Variants in MED27 observed in about 807,000 individuals in gnomAD.
MED27 encodes mediator of RNA polymerase II transcription subunit 27.
In MED27, 30 loss-of-function variants were observed where a neutral mutation model predicts 38.2. That is an observed-to-expected ratio of 0.79 (90% CI 0.59 to 1.07). The LOEUF is 1.07. Ranked by LOEUF, MED27 falls within the 50% of genes least tolerant of loss-of-function variation. MED27 has a pLI of 0.00. For synonymous variants in MED27, 122 were observed against 153.5 expected, an observed-to-expected ratio of 0.79 and a Z score of 1.52; for missense variants, 289 against 397.5, an observed-to-expected ratio of 0.73 and a Z score of 2.32.
chr9:132,050,324 C>A (rs978061913), intron 2 of MED27, among the ~76,000 whole-genome samples: 5 of 152,222 alleles, frequency 3.3e-5, no homozygotes, highest in African/African-American at 9.7e-5. Context: ...CTACAGAAGG[C>A]AACGTGCAGG....
chr9:132,042,094 C>A (rs1280757123), intron 2 of MED27, among the ~76,000 whole-genome samples: 1 of 152,146 alleles, frequency 6.6e-6, no homozygotes, highest in African/African-American at 2.4e-5. Flanking sequence ...GGAAAGAGCA[C>A]GGCACGGGAA....
intron 3 of MED27, among the ~76,000 whole-genome samples, chr9:132,000,755 T>G (rs997551204): frequency 6.6e-6 from 1 of 151,540 alleles, no homozygotes; most frequent in African/African-American, 2.4e-5. Flanking sequence ...AAAAAAAATT[T>G]TTTTTTTTTT....
intron 3 of MED27, 137 bp from the exon 4 acceptor site, chr9:131,939,611 G>C: frequency 2.0e-6 from 1 of 492,110 alleles, no homozygotes; most frequent in Non-Finnish European, 3.5e-6. Flanking sequence ...AATAGAATTA[G>C]AAACCTTTTA....
intron 6 of MED27, among the ~76,000 whole-genome samples, chr9:131,873,377 G>A (rs58639890): frequency 0.019 from 2,961 of 152,332 alleles, 101 homozygotes; most frequent in African/African-American, 0.067. Flanking sequence ...AGCCCTGACA[G>A]TGATGTTAGG....
chr9:131,951,112 C>T (rs1435509974), intron 3 of MED27, among the ~76,000 whole-genome samples: 3 of 152,160 alleles, frequency 2.0e-5, no homozygotes, highest in East Asian at 1.9e-4. Flanking sequence ...CGAGGTGCCT[C>T]GGCTGGAGCT....
In MED27 at chr9:131,862,564, A is replaced by G. The variant is rs1188216065; in HGVS notation, c.801+499T>C. ...CCACCAAGTTTGATTTCAAACTAGT[A>G]GTGGTTGAAGAACCAGCTCGCAAGA... On this transcript the variant is annotated intron_variant, in intron 7 of 7. Transcript: ENST00000292035. This position sits in a 1 kb window ranked among gnomAD's most constrained non-coding sequence, Gnocchi z 4.6. 3.3e-5 allele frequency among the ~76,000 whole-genome samples: 5 copies of G among 152,210 alleles called. No homozygotes were observed. The South Asian group carries it at 6.2e-4, about 19-fold the overall frequency.
At chr9:131,944,006 C>T (rs762309850) in intron 3 of MED27, among the ~76,000 whole-genome samples, 5 of 152,188 alleles carry the variant, frequency 3.3e-5, no homozygotes, top group Non-Finnish European at 5.9e-5. Context: ...GTAAGACTCT[C>T]AACGGTTTCC....
intron 3 of MED27, among the ~76,000 whole-genome samples, chr9:131,993,190 G>A (rs1056272524): frequency 6.6e-6 from 1 of 151,426 alleles, no homozygotes; most frequent in East Asian, 1.9e-4. Context: ...TAAATCTGCT[G>A]GATAAATAAC....
chr9:132,014,363 C>G lies in MED27; in HGVS notation c.453G>C (p.Gln151His). ...GAGGTGGTAGGACAAGAGTTGTGGG[C>G]TGAGCCTTTGGTCTACGTTTGGCAG... ...GVSAKRRPKA[Q>H]PTTLVLPPQY... The change falls in exon 3 of 8, where the codon CAG (glutamine) becomes CAC (histidine). Residue 151 changes from glutamine to histidine, a missense_variant. Gln to His is a conservative substitution (Grantham distance 24). Transcript: ENST00000292035. 1 of 1,612,840 alleles carries G rather than the reference C, an allele frequency of 6.2e-7. No homozygotes were observed. The highest frequency in any genetic ancestry group is 8.5e-7 in the Non-Finnish European group (1 of 1,179,966).
chr9:131,884,221 T>C lies in MED27; in HGVS notation c.682-122A>G, dbSNP rs1839099063. ...AAAAAAAAATCTGATTATAGAATAA[T>C]AGGATCTCAGGGTTGAAAAGGATCT... is the stretch of plus-strand genomic sequence containing the variant. On this transcript the variant is annotated intron_variant, in intron 5 of 7. Coordinates refer to ENST00000292035, the MANE Select transcript of MED27 (RefSeq NM_004269.4). 5 of 660,340 alleles carry C rather than the reference T, an allele frequency of 7.6e-6. 1 individual carries two copies. Among genetic ancestry groups the C allele is most frequent in the Non-Finnish European group, 1.2e-5 (5 of 414,478 alleles). 40.9% of individuals were successfully genotyped at this position (660,340 alleles called of 1,614,324 possible).
At chr9:131,980,900 T>C (rs1290633359) in intron 3 of MED27, among the ~76,000 whole-genome samples, 2 of 152,244 alleles carry the variant, frequency 1.3e-5, no homozygotes, top group Non-Finnish European at 2.9e-5. Context: ...AACAGTTCAA[T>C]GGAGCAGTTT....
At chr9:132,030,552 C>G (rs572434232) in intron 2 of MED27, among the ~76,000 whole-genome samples, 2 of 152,306 alleles carry the variant, frequency 1.3e-5, no homozygotes, top group Non-Finnish European at 2.9e-5. Flanking sequence ...TCTTAGAAAG[C>G]ATACTAGAGA....
chr9:132,077,716 A>G (rs773499176), intron 1 of MED27, 130 bp from the exon 2 acceptor site: 48 of 917,086 alleles, frequency 5.2e-5, no homozygotes, highest in Non-Finnish European at 7.1e-5. Context: ...TACTTTTTGA[A>G]AGGTTAAAAA....
chr9:131,886,119 C>T (rs1449910796), intron 5 of MED27, among the ~76,000 whole-genome samples: 2 of 152,192 alleles, frequency 1.3e-5, no homozygotes, highest in Admixed American at 6.5e-5. Context: ...GTCTATTCTG[C>T]GGAATACACT....
At chr9:131,984,370 T>G (rs1447470648) in intron 3 of MED27, among the ~76,000 whole-genome samples, 1 of 152,164 alleles carries the variant, frequency 6.6e-6, no homozygotes, top group African/African-American at 2.4e-5. Context: ...CCTAGAACAG[T>G]GCCTGCCATT....
At chr9:131,882,044 G>A (rs544297299) in intron 6 of MED27, among the ~76,000 whole-genome samples, 14 of 152,002 alleles carry the variant, frequency 9.2e-5, no homozygotes, top group South Asian at 2.1e-4. Flanking sequence ...ATGAGCCACC[G>A]CACCCGGCCC....
At chr9:131,887,423 A>T (rs979242988) in intron 5 of MED27, among the ~76,000 whole-genome samples, 3 of 152,182 alleles carry the variant, frequency 2.0e-5, no homozygotes, top group African/African-American at 7.2e-5. Context: ...TGGGTGAAAA[A>T]GGGACCCCTT....
chr9:132,060,630 A>G (rs1833677757), intron 2 of MED27, among the ~76,000 whole-genome samples: 1 of 152,166 alleles, frequency 6.6e-6, no homozygotes, highest in South Asian at 2.1e-4. Flanking sequence ...TCAACTGGAA[A>G]ATTCAGTTTT....
At chr9:131,949,776 T>C (rs549972877) in intron 3 of MED27, among the ~76,000 whole-genome samples, 12 of 152,294 alleles carry the variant, frequency 7.9e-5, no homozygotes, top group East Asian at 3.9e-4. Context: ...TCTGCCTTCA[T>C]GGGGTTTCCA....
Sources: gnomAD v4.1 joint callset for allele counts (sites outside exome capture counted in the v4.1 genomes callset) on GRCh38, gnomAD v4.1.1 for gene constraint, Gnocchi (gnomAD v3.1) non-coding constraint, MANE v1.5 for transcripts, NCBI Gene and HGNC (gene_info 2026-07-23, HGNC 2026-07-21) for gene names.